PRKAR1B: variants seen among roughly 807,000 people sequenced by gnomAD.
PRKAR1B encodes the protein cAMP-dependent protein kinase type I-beta regulatory subunit.
PRKAR1B carries 22 observed loss-of-function variants against 46.5 expected under a neutral mutation model. The ratio of observed to expected loss-of-function variants is 0.47; its 90% CI spans 0.34 to 0.68. The LOEUF (loss-of-function observed/expected upper bound fraction) is 0.68. Ranked by LOEUF, PRKAR1B falls within the 30% of genes least tolerant of loss-of-function variation. PRKAR1B has a pLI of 0.01. For missense variants in PRKAR1B, 445 were observed against 535.6 expected (o/e 0.83, Z 1.67); for synonymous variants, 259 against 217.7 (o/e 1.19, Z -1.67).
chr7:580,368 A>G (rs1055220011), intron 8 of PRKAR1B, among the ~76,000 whole-genome samples: 1 of 151,810 alleles, frequency 6.6e-6, no homozygotes, highest in African/African-American at 2.4e-5. Context: ...AGCCTGGTCA[A>G]CATGGCAAAA....
chr7:721,089 A>G (rs1781056444), intron 1 of PRKAR1B, among the ~76,000 whole-genome samples: 1 of 152,204 alleles, frequency 6.6e-6, no homozygotes, highest in Non-Finnish European at 1.5e-5. Flanking sequence ...CCATCGGTCT[A>G]TCGGCATCTA....
intron 4 of PRKAR1B, among the ~76,000 whole-genome samples, chr7:673,648 CA>C (rs35930924): frequency 0.096 from 12,651 of 131,188 alleles, 619 homozygotes; most frequent in Middle Eastern, 0.22. Flanking sequence ...GACTCCATCT[CA>C]AAAAAAAAAA....
chr7:711,358 G>A lies in PRKAR1B; in HGVS notation c.148C>T (p.Leu50Phe). The A allele has an allele frequency of 6.2e-7, 1 of 1,614,222 alleles. No individual in the cohort carries two copies. The highest frequency in any genetic ancestry group is 8.5e-7 in the Non-Finnish European group (1 of 1,180,028). ...ISKPERPMKF[L>F]REHFEKLEKE... is the part of the protein sequence containing the mutation. ...TCCAGCTTCTCGAAGTGCTCCCGGA[G>A]GAACTTCATGGGGCGTTCGGGCTTG... Residue 50 changes from leucine (L) to phenylalanine (F), a missense_variant, in exon 2 of 11, where the codon CTC (leucine) becomes TTC (phenylalanine). Physicochemically the swap from Leu to Phe is conservative, Grantham distance 22. Coordinates refer to ENST00000537384, the MANE Select transcript of PRKAR1B (RefSeq NM_001164760.2).
At chr7:680,510 C>A in intron 3 of PRKAR1B, 46 bp downstream of exon 3, 1 of 1,538,302 alleles carries the variant, frequency 6.5e-7, no homozygotes, top group Non-Finnish European at 8.7e-7. Context: ...GTGACAGCCA[C>A]GTGCCGAGGC....
intron 9 of PRKAR1B, among the ~76,000 whole-genome samples, chr7:569,663 C>T (rs1779386068): frequency 6.6e-6 from 1 of 152,172 alleles, no homozygotes; most frequent in African/African-American, 2.4e-5. Flanking sequence ...CAGCTGTGGC[C>T]GCTGGAGCAC....
chr7:580,164 G>A (rs899888597), intron 8 of PRKAR1B, among the ~76,000 whole-genome samples: 4 of 151,326 alleles, frequency 2.6e-5, no homozygotes, highest in South Asian at 2.1e-4. Flanking sequence ...GCGGGAGGTC[G>A]CGGCTGCAGT....
rs1183179462 is a variant in PRKAR1B, at chr7:667,024, TG to T, written c.440+10204del. Among the ~76,000 whole-genome samples the T allele has an allele frequency of 6.6e-6, 1 of 152,056 alleles. No individual in the cohort carries two copies. Among genetic ancestry groups the T allele is most frequent in the African/African-American group, 2.4e-5 (1 of 41,378 alleles). The stretch of plus-strand genomic sequence containing the variant: ...ATGGTGGTGATGAGGATGGTGGTGG[TG>T]ATGGTGATGATGATAATGATGGTGA... On this transcript the variant is annotated intron_variant, in intron 4 of 10. Coordinates refer to ENST00000537384, the MANE Select transcript of PRKAR1B (RefSeq NM_001164760.2). The surrounding 1 kb of genome is among the most constrained non-coding windows in gnomAD (Gnocchi z 4.3).
intron 2 of PRKAR1B, among the ~76,000 whole-genome samples, chr7:707,422 C>A (rs1355644240): frequency 6.6e-6 from 1 of 152,218 alleles, no homozygotes; most frequent in Non-Finnish European, 1.5e-5. Flanking sequence ...TCCTGTCTTG[C>A]AACCTGCTAT....
rs757120955 is a variant in PRKAR1B at position 551,403 on chromosome 7, G to T, written c.959C>A (p.Pro320His). The T allele has an allele frequency of 9.0e-6, 14 of 1,558,956 alleles. No homozygotes were observed. The highest frequency in any genetic ancestry group is 1.2e-5 in the Non-Finnish European group (14 of 1,151,296). ...ACTGGACTCACCGAAGTAGTCAGAG[G>T]GTCCCAGGCGCCCCACCTCCACGTA... ...EEYVEVGRLGPSDYFGEIALL... is the reference protein window; with the variant it reads ...EEYVEVGRLGHSDYFGEIALL... The change falls in exon 10 of 11, where the codon CCC (proline) becomes CAC (histidine). Residue 320 changes from proline (P) to histidine (H), a missense_variant. Pro to His is a moderately conservative substitution (Grantham distance 77, BLOSUM62 -2). This residue lies in a region of PRKAR1B where 127 missense variants were observed against 138.0 expected (regional missense o/e 0.92). Coordinates refer to ENST00000537384, the MANE Select transcript of PRKAR1B (RefSeq NM_001164760.2).
At chr7:726,547 C>T (rs1011074836) in intron 1 of PRKAR1B, 2 of 457,636 alleles carry the variant, frequency 4.4e-6, no homozygotes, top group African/African-American at 2.0e-5. Flanking sequence ...GCGGGGGTTC[C>T]GGCGACAGAG....
At chr7:677,623 C>T (rs904191729) in intron 3 of PRKAR1B, among the ~76,000 whole-genome samples, 3 of 152,110 alleles carry the variant, frequency 2.0e-5, no homozygotes, top group Non-Finnish European at 2.9e-5. Flanking sequence ...GATGAGGTCT[C>T]ACTATGTTGC....
At chr7:603,980 G>A (rs1247578580) in intron 6 of PRKAR1B, among the ~76,000 whole-genome samples, 6 of 152,144 alleles carry the variant, frequency 3.9e-5, no homozygotes, top group Non-Finnish European at 7.4e-5. Flanking sequence ...GGTCCAGTCA[G>A]GAAGCTGCCC....
At chr7:583,586 A>T (rs898076756) in intron 8 of PRKAR1B, among the ~76,000 whole-genome samples, 12 of 62,600 alleles carry the variant, frequency 1.9e-4, no homozygotes, top group African/African-American at 7.5e-4. Context: ...ACACTTGCAC[A>T]CTCCCAGGTG....
rs541567939 is a variant in PRKAR1B at position 586,114 on chromosome 7, C to T, written c.709-1546G>A. Among the ~76,000 whole-genome samples, 24 of 152,270 alleles carry T rather than the reference C, an allele frequency of 1.6e-4. No individual in the cohort carries two copies. In the South Asian group the frequency reaches 5.0e-3, roughly 32 times the overall value. On this transcript the variant is annotated intron_variant, in intron 7 of 10. Transcript: ENST00000537384. Reference sequence around the variant, plus strand: ...GCCATCCTGGGCCCCTGAGGAGCATCAGTAAGAGAAAGCTGGTTCTCGGGC... The same window carrying T: ...GCCATCCTGGGCCCCTGAGGAGCATTAGTAAGAGAAAGCTGGTTCTCGGGC...
intron 4 of PRKAR1B, among the ~76,000 whole-genome samples, chr7:663,837 C>A (rs567923377): frequency 6.6e-6 from 1 of 152,124 alleles, no homozygotes; most frequent in Non-Finnish European, 1.5e-5. Context: ...ACTCAGGGAG[C>A]GTGAGTTACA....
intron 9 of PRKAR1B, among the ~76,000 whole-genome samples, chr7:564,857 C>G (rs909510365): frequency 1.3e-5 from 2 of 152,180 alleles, no homozygotes; most frequent in Non-Finnish European, 2.9e-5. Context: ...GGCGGATGCC[C>G]CCCAACCTTG....
At chr7:580,335 C>T (rs1780101093) in intron 8 of PRKAR1B, among the ~76,000 whole-genome samples, 2 of 151,584 alleles carry the variant, frequency 1.3e-5, no homozygotes, top group African/African-American at 4.9e-5. Flanking sequence ...GGGTGGATTG[C>T]CTGAGCTCAG....
chr7:551,902 A>T (rs946249666), intron 9 of PRKAR1B, among the ~76,000 whole-genome samples: 1 of 32,100 alleles, frequency 3.1e-5, no homozygotes, highest in Non-Finnish European at 5.0e-5. Context: ...GTCCTTCTCC[A>T]GAGCCACTGC....
At chr7:663,850 T>G (rs2128497400) in intron 4 of PRKAR1B, among the ~76,000 whole-genome samples, 1 of 152,242 alleles carries the variant, frequency 6.6e-6, no homozygotes, top group South Asian at 2.1e-4. Flanking sequence ...GAGTTACAAC[T>G]GCCTCCCGAA....
Sources: gnomAD v4.1 joint callset for allele counts (sites outside exome capture counted in the v4.1 genomes callset) on GRCh38, gnomAD v4.1.1 for gene constraint, gnomAD v4.1.1 regional missense constraint, Gnocchi (gnomAD v3.1) non-coding constraint, MANE v1.5 for transcripts, NCBI Gene and HGNC (gene_info 2026-07-23, HGNC 2026-07-21) for gene names.